Variants in TIAM1 observed in about 807,000 individuals in gnomAD.
The protein encoded by TIAM1 is TIAM Rac1 associated GEF 1, also known as rho guanine nucleotide exchange factor TIAM1.
TIAM1 carries 65 observed loss-of-function variants against 163.5 expected under a neutral mutation model. That is an observed-to-expected ratio of 0.40 (90% CI 0.33 to 0.49). The LOEUF (loss-of-function observed/expected upper bound fraction) is 0.49. TIAM1 is among the 20% of genes least tolerant of loss of function. TIAM1 has a pLI of 0.77. For missense variants in TIAM1, 1,789 were observed against 2,044.7 expected (o/e 0.87, Z 2.41); for synonymous variants, 833 against 810.1 (o/e 1.03, Z -0.48).
chr21:31,418,535 G>A (rs1377924110), intron 2 of TIAM1, among the ~76,000 whole-genome samples: 1 of 152,008 alleles, frequency 6.6e-6, no homozygotes, highest in African/African-American at 2.4e-5. Flanking sequence ...CCCTACCCCG[G>A]TGGCTGCAGA....
In TIAM1 at chr21:31,154,258, T is replaced by C. The variant is rs554329942; in HGVS notation, c.3160A>G (p.Thr1054Ala). ...AAAAAGAAACATACCTTCACGTAGG[T>C]GCGCTCCGTCTCCAGGAGCTCGCAG... is the stretch of plus-strand genomic sequence containing the variant. ...VICELLETER[T>A]YVKDLNCLME... is the part of the protein sequence containing the mutation. The change falls in exon 17 of 28, where the codon ACC becomes GCC. Residue 1054 changes from threonine to alanine, a missense_variant. Physicochemically the swap from Thr to Ala is moderately conservative, Grantham distance 58. This residue lies in a region of TIAM1 where 303 missense variants were observed against 321.3 expected (regional missense o/e 0.94). Coordinates refer to ENST00000541036, the MANE Select transcript of TIAM1 (RefSeq NM_001353694.2). 5.6e-6 allele frequency: 9 copies of C among 1,613,838 alleles called. No individual in the cohort carries two copies. The highest frequency in any genetic ancestry group is 7.6e-6 in the Non-Finnish European group (9 of 1,179,946).
At chr21:31,425,923 A>C (rs2043778487) in intron 2 of TIAM1, among the ~76,000 whole-genome samples, 1 of 151,930 alleles carries the variant, frequency 6.6e-6, no homozygotes, top group Non-Finnish European at 1.5e-5. Flanking sequence ...AGTAGAGATG[A>C]GGTCTCGTCA....
At chr21:31,307,920 T>A (rs1331803119) in intron 2 of TIAM1, among the ~76,000 whole-genome samples, 1 of 152,164 alleles carries the variant, frequency 6.6e-6, no homozygotes, top group African/African-American at 2.4e-5. Flanking sequence ...GAGAGCCAAG[T>A]TAATTCAATC....
At chr21:31,390,667 G>GA (rs894144303) in intron 2 of TIAM1, among the ~76,000 whole-genome samples, 1 of 152,156 alleles carries the variant, frequency 6.6e-6, no homozygotes, top group African/African-American at 2.4e-5. Flanking sequence ...TATGGTTCTT[G>GA]AAAAGTAAAG....
intron 13 of TIAM1, among the ~76,000 whole-genome samples, chr21:31,192,618 A>C (rs571996154): frequency 6.6e-6 from 1 of 152,180 alleles, no homozygotes; most frequent in East Asian, 1.9e-4. Flanking sequence ...CTTAAAAAAA[A>C]AAAAGACAGC....
intron 1 of TIAM1, among the ~76,000 whole-genome samples, chr21:31,514,100 G>T (rs544943697): frequency 6.6e-6 from 1 of 152,214 alleles, no homozygotes; most frequent in South Asian, 2.1e-4. Context: ...TATTTCAAAA[G>T]CGGCTCTGAC....
rs1411345618 is a variant in TIAM1, at chr21:31,395,048, G to A, written c.-368-55626C>T. On this transcript the variant is annotated intron_variant, in intron 2 of 28. Transcript: ENST00000286827. The surrounding 1 kb of genome is among the most constrained non-coding windows in gnomAD (Gnocchi z 7.5). The stretch of plus-strand genomic sequence containing the variant: ...AGGTCAGAAGTTCAAGACCAGCCTG[G>A]CCAACACAGTGAAACCCCGTATCTA... Among the ~76,000 whole-genome samples, 2 of 152,068 alleles carry A rather than the reference G, an allele frequency of 1.3e-5. No individual in the cohort carries two copies. The highest frequency in any genetic ancestry group is 2.1e-4 in the South Asian group (1 of 4,820).
At chr21:31,394,182 G>A (rs2077012827) in intron 2 of TIAM1, among the ~76,000 whole-genome samples, 1 of 152,154 alleles carries the variant, frequency 6.6e-6, no homozygotes, top group African/African-American at 2.4e-5. Context: ...GAGAAGAAAT[G>A]AGCTAGCAAG....
intron 2 of TIAM1, among the ~76,000 whole-genome samples, chr21:31,284,112 C>T (rs533047300): frequency 3.5e-4 from 54 of 152,304 alleles, no homozygotes; most frequent in East Asian, 1.4e-3. Context: ...TGTGGCTTAA[C>T]GTACAGGGTG....
At chr21:31,217,339 T>C (rs2087276914) in intron 9 of TIAM1, among the ~76,000 whole-genome samples, 1 of 152,170 alleles carries the variant, frequency 6.6e-6, no homozygotes, top group Admixed American at 6.6e-5. Flanking sequence ...AGGATGCAGG[T>C]GGGAAACTGC....
intron 1 of TIAM1, among the ~76,000 whole-genome samples, chr21:31,520,846 C>T (rs1187301922): frequency 6.6e-6 from 1 of 152,226 alleles, no homozygotes; most frequent in Non-Finnish European, 1.5e-5. Flanking sequence ...CATGCTTCGC[C>T]CTCCAATTCC....
chr21:31,159,632 G>A (rs2083803175), intron 16 of TIAM1, among the ~76,000 whole-genome samples: 1 of 152,310 alleles, frequency 6.6e-6, no homozygotes, highest in South Asian at 2.1e-4. Context: ...CACCTTTTCA[G>A]TTTCCTCTTG....
intron 12 of TIAM1, among the ~76,000 whole-genome samples, chr21:31,197,281 C>A (rs2085911097): frequency 6.6e-6 from 1 of 151,982 alleles, no homozygotes; most frequent in Non-Finnish European, 1.5e-5. Flanking sequence ...ACAAAAAAGG[C>A]TGGAAAAAGA....
At chr21:31,338,573 G>C (rs1309322595) in intron 2 of TIAM1, among the ~76,000 whole-genome samples, 2 of 152,178 alleles carry the variant, frequency 1.3e-5, no homozygotes, top group Non-Finnish European at 2.9e-5. Context: ...ACTTAGAAGG[G>C]AAACTGAAGT....
intron 2 of TIAM1, among the ~76,000 whole-genome samples, chr21:31,398,236 C>T (rs781442624): frequency 6.7e-6 from 1 of 148,326 alleles, no homozygotes; most frequent in Admixed American, 6.7e-5. Flanking sequence ...CATCAATTCA[C>T]TAACTTGAAT....
At chr21:31,312,653 T>C (rs2074974970) in intron 2 of TIAM1, among the ~76,000 whole-genome samples, 2 of 152,180 alleles carry the variant, frequency 1.3e-5, no homozygotes, top group Admixed American at 6.5e-5. Context: ...TCCATAATAA[T>C]AGGGTCACTT....
At chr21:31,334,861 T>C (rs191065730) in intron 2 of TIAM1, among the ~76,000 whole-genome samples, 1 of 152,264 alleles carries the variant, frequency 6.6e-6, no homozygotes, top group African/African-American at 2.4e-5. Flanking sequence ...GGAGGTGAGC[T>C]TGTGTTTACC....
At chr21:31,190,703 A>G (rs1315166821) in intron 13 of TIAM1, among the ~76,000 whole-genome samples, 1 of 152,180 alleles carries the variant, frequency 6.6e-6, no homozygotes, top group Non-Finnish European at 1.5e-5. Context: ...ATGTAACTGG[A>G]TATGTGAACT....
intron 1 of TIAM1, among the ~76,000 whole-genome samples, chr21:31,499,482 G>A (rs1461965957): frequency 2.0e-5 from 3 of 151,990 alleles, no homozygotes; most frequent in Non-Finnish European, 4.4e-5. Context: ...TCAAGGTTAT[G>A]GTGAGCAACG....
Sources: gnomAD v4.1 joint callset for allele counts (sites outside exome capture counted in the v4.1 genomes callset) on GRCh38, gnomAD v4.1.1 for gene constraint, gnomAD v4.1.1 regional missense constraint, Gnocchi (gnomAD v3.1) non-coding constraint, MANE v1.5 for transcripts, NCBI Gene and HGNC (gene_info 2026-07-23, HGNC 2026-07-21) for gene names.